The following LAMA3 variants were observed in gnomAD, a reference collection of about 807,000 sequenced individuals.
LAMA3 encodes laminin subunit alpha 3.
A neutral mutation model predicts 402.0 loss-of-function variants in LAMA3; 281 were observed. That is an observed-to-expected ratio of 0.70 (90% CI 0.63 to 0.77). The LOEUF (loss-of-function observed/expected upper bound fraction) is 0.77, where lower values mean the gene tolerates loss of function less well. Ranked by LOEUF, LAMA3 falls within the 30% of genes least tolerant of loss-of-function variation. LAMA3 has a pLI of 0.00. For missense variants in LAMA3, 3,840 were observed against 4,215.5 expected, an observed-to-expected ratio of 0.91 and a Z score of 2.47; for synonymous variants, 1,431 against 1,558.4, an observed-to-expected ratio of 0.92 and a Z score of 1.93.
chr18:23,940,935 T>C (rs1371466442), intron 68 of LAMA3, among the ~76,000 whole-genome samples: 1 of 69,368 alleles, frequency 1.4e-5, no homozygotes, highest in African/African-American at 3.6e-5. Context: ...TCCCTCTTTC[T>C]TTTCTTTTTT....
At position 23,846,338 on chromosome 18, in the gene LAMA3, C is replaced by G. The variant is rs754245718; in HGVS notation, c.3761C>G (p.Ser1254Cys). The G allele has an allele frequency of 1.2e-6, 2 of 1,614,242 alleles. No individual in the cohort carries two copies. Among genetic ancestry groups the G allele is most frequent in the Admixed American group, 3.3e-5 (2 of 60,034 alleles). Reference sequence around the variant, plus strand: ...AGATTCTGTAAGAATTCCGCCAGGTCCCTGGTGGCCTTTTACCACAAGGGC... The same window carrying G: ...AGATTCTGTAAGAATTCCGCCAGGTGCCTGGTGGCCTTTTACCACAAGGGC... Reference protein sequence around the residue: ...ASRFCKNSARSLVAFYHKGAL... With the variant: ...ASRFCKNSARCLVAFYHKGAL... The change falls in exon 31 of 75, where the codon TCC (serine) becomes TGC (cysteine). Residue 1254 changes from serine (S) to cysteine (C), a missense_variant. This residue lies in a region of LAMA3 where 2,109 missense variants were observed against 2,376.0 expected (regional missense o/e 0.89). Coordinates refer to ENST00000313654, the MANE Select transcript of LAMA3 (RefSeq NM_198129.4).
intron 10 of LAMA3, among the ~76,000 whole-genome samples, chr18:23,777,199 T>C (rs1298866982): frequency 6.6e-6 from 1 of 151,264 alleles, no homozygotes; most frequent in East Asian, 1.9e-4. Context: ...ATAAACAAAA[T>C]GTCAGGAGAA....
chr18:23,840,008 T>C, intron 27 of LAMA3, 79 bp downstream of exon 27: 2 of 1,482,792 alleles, frequency 1.3e-6, no homozygotes, highest in East Asian at 4.5e-5. Flanking sequence ...TGGAAACTTG[T>C]CAGCAATGCA....
chr18:23,913,296 A>G (rs1258980095), intron 56 of LAMA3, among the ~76,000 whole-genome samples: 1 of 152,154 alleles, frequency 6.6e-6, no homozygotes, highest in Non-Finnish European at 1.5e-5. Flanking sequence ...CAGACTGCCC[A>G]GCCTCAGATC....
At position 23,824,451 on chromosome 18, in the gene LAMA3, C is replaced by A; in HGVS notation, c.2457C>A (p.Phe819Leu). ...WGAAQSKEIIFLPSKEPAFVT... is the reference protein window; with the variant it reads ...WGAAQSKEIILLPSKEPAFVT... Reference sequence around the variant, plus strand: ...CTGCTCAAAGCAAAGAGATCATCTTCCTGCCGAGTAAGGAGCCAGCCTTTG... The same window carrying A: ...CTGCTCAAAGCAAAGAGATCATCTTACTGCCGAGTAAGGAGCCAGCCTTTG... The change falls in exon 21 of 75, where the codon TTC becomes TTA. Residue 819 changes from phenylalanine (F) to leucine (L), a missense_variant. Coordinates refer to ENST00000313654, the MANE Select transcript of LAMA3 (RefSeq NM_198129.4). 6.2e-7 allele frequency: 1 copy of A among 1,614,108 alleles called. No individual in the cohort carries two copies. Among genetic ancestry groups the A allele is most frequent in the Non-Finnish European group, 8.5e-7 (1 of 1,179,980 alleles).
intron 42 of LAMA3, among the ~76,000 whole-genome samples, chr18:23,890,744 T>C (rs888933634): frequency 6.6e-6 from 1 of 152,222 alleles, no homozygotes; most frequent in Non-Finnish European, 1.5e-5. Flanking sequence ...CTTATATTTA[T>C]GGACAAGTTG....
At position 23,921,585 on chromosome 18, in the gene LAMA3, G is replaced by C. The variant is rs1344427353; in HGVS notation, c.8177G>C (p.Arg2726Thr). The C allele has an allele frequency of 6.2e-7, 1 of 1,613,622 alleles. No individual in the cohort carries two copies. ...LGGIPIAIRE[R>T]FNISTPAFRG... ...GGAATTCCAATTGCAATCAGGGAAA[G>C]GTAAGATGATTTTTTTAAAACGAGA... Residue 2726 changes from arginine to threonine, a missense_variant and splice_region_variant, in exon 62 of 75, where the codon AGA becomes ACA. Coordinates refer to ENST00000313654, the MANE Select transcript of LAMA3 (RefSeq NM_198129.4).
intron 6 of LAMA3, among the ~76,000 whole-genome samples, chr18:23,757,082 G>A (rs1272649412): frequency 6.6e-6 from 1 of 151,916 alleles, no homozygotes; most frequent in African/African-American, 2.4e-5. Context: ...CCAACAGGGA[G>A]GCGCGTGCTT....
intron 12 of LAMA3, among the ~76,000 whole-genome samples, chr18:23,801,393 C>T (rs1406796979): frequency 6.6e-6 from 1 of 152,074 alleles, no homozygotes; most frequent in Non-Finnish European, 1.5e-5. Flanking sequence ...CACCAAACCT[C>T]AGCAACACTC....
intron 1 of LAMA3, among the ~76,000 whole-genome samples, chr18:23,699,987 C>T (rs544374763): frequency 1.3e-5 from 2 of 152,102 alleles, no homozygotes; most frequent in Non-Finnish European, 2.9e-5. Context: ...TTGATTCTCG[C>T]AAAATATAGT....
chr18:23,947,151 C>T (rs1230514988), intron 70 of LAMA3, among the ~76,000 whole-genome samples: 2 of 152,084 alleles, frequency 1.3e-5, no homozygotes, highest in African/African-American at 4.8e-5. Context: ...TCTGATGGGG[C>T]GCTCTGATGG....
At chr18:23,708,886 T>A (rs925833522) in intron 1 of LAMA3, among the ~76,000 whole-genome samples, 1 of 149,776 alleles carries the variant, frequency 6.7e-6, no homozygotes. Flanking sequence ...GTCTCCCAAG[T>A]AGCTGGGACT....
intron 68 of LAMA3, 31 bp from the exon 69 acceptor site, chr18:23,943,757 T>G: frequency 6.2e-7 from 1 of 1,609,228 alleles, no homozygotes; most frequent in Non-Finnish European, 8.5e-7. Context: ...TGAACACCTC[T>G]ATTTCCCTTC....
At chr18:23,703,003 A>C (rs919788266) in intron 1 of LAMA3, among the ~76,000 whole-genome samples, 2 of 152,146 alleles carry the variant, frequency 1.3e-5, no homozygotes, top group African/African-American at 4.8e-5. Context: ...TGGCACATGG[A>C]TGTTTCCTTT....
intron 35 of LAMA3, among the ~76,000 whole-genome samples, chr18:23,863,021 A>AAGAG (rs141141703): frequency 2.1e-5 from 3 of 143,354 alleles, no homozygotes; most frequent in African/African-American, 7.8e-5. Flanking sequence ...GAGAGAGAGA[A>AAGAG]AGAGAGAGAG....
intron 12 of LAMA3, among the ~76,000 whole-genome samples, chr18:23,793,989 T>A (rs2062713473): frequency 6.6e-6 from 1 of 152,214 alleles, no homozygotes; most frequent in Non-Finnish European, 1.5e-5. Context: ...TGGTTTATTA[T>A]AAAAGATGTT....
At chr18:23,837,522 A>T (rs2063607420) in intron 25 of LAMA3, among the ~76,000 whole-genome samples, 1 of 145,456 alleles carries the variant, frequency 6.9e-6, no homozygotes, top group Non-Finnish European at 1.5e-5. Flanking sequence ...TACCTAGTTT[A>T]AAAAAAACTA....
At chr18:23,823,485 G>A (rs1036689590) in intron 20 of LAMA3, among the ~76,000 whole-genome samples, 1 of 152,178 alleles carries the variant, frequency 6.6e-6, no homozygotes, top group Non-Finnish European at 1.5e-5. Flanking sequence ...GGGAGCCCTA[G>A]TTATGTTATG....
At position 23,784,223 on chromosome 18, in the gene LAMA3, G is replaced by A. The variant is rs1026164792; in HGVS notation, c.1603+66G>A. On this transcript the variant is annotated intron_variant, in intron 12 of 74. Coordinates refer to ENST00000313654, the MANE Select transcript of LAMA3 (RefSeq NM_198129.4). ...AAGATAAATTTCCTCCTGAGGAAAT[G>A]CAGATCTTTCTGGCAGAGCTGTCTG... is the stretch of plus-strand genomic sequence containing the variant. 1.1e-5 allele frequency: 17 copies of A among 1,576,616 alleles called. No individual in the cohort carries two copies. The African/African-American group carries it at 1.8e-4, about 16-fold the overall frequency.
Sources: gnomAD v4.1 joint callset for allele counts (sites outside exome capture counted in the v4.1 genomes callset) on GRCh38, gnomAD v4.1.1 for gene constraint, gnomAD v4.1.1 regional missense constraint, MANE v1.5 for transcripts, NCBI Gene and HGNC (gene_info 2026-07-23, HGNC 2026-07-21) for gene names.